The following STK3 variants were observed in gnomAD, a reference collection of about 807,000 sequenced individuals.
STK3 encodes serine/threonine-protein kinase 3.
Under a neutral mutation model 58.0 loss-of-function variants are expected in STK3, and 41 were observed. The observed-to-expected ratio is 0.71, with a 90% CI of 0.55 to 0.92. STK3 has a LOEUF of 0.92. Among genes scored for constraint, STK3 ranks in the 40% least tolerant of loss-of-function variants. The probability of loss-of-function intolerance (pLI) is 0.00; values close to 1 mark genes in which losing one functional copy is unlikely to be tolerated. For synonymous variants in STK3, 170 were observed against 191.0 expected, an observed-to-expected ratio of 0.89 and a Z score of 0.91; for missense variants, 479 against 602.7, an observed-to-expected ratio of 0.79 and a Z score of 2.15.
At chr8:98,612,266 G>A (rs964681484) in intron 6 of STK3, among the ~76,000 whole-genome samples, 2 of 150,318 alleles carry the variant, frequency 1.3e-5, no homozygotes, top group Non-Finnish European at 3.0e-5. Context: ...ACAAGCATAC[G>A]AAGATCCAGA....
intron 1 of STK3, among the ~76,000 whole-genome samples, chr8:98,900,907 C>A (rs1838632836): frequency 6.6e-6 from 1 of 152,168 alleles, no homozygotes; most frequent in African/African-American, 2.4e-5. Flanking sequence ...AGTGATCCGC[C>A]TGCCTCGGCT....
At chr8:98,941,537 A>G (rs572740261) in intron 1 of STK3, among the ~76,000 whole-genome samples, 10 of 152,382 alleles carry the variant, frequency 6.6e-5, no homozygotes, top group Admixed American at 6.5e-4. Flanking sequence ...TTTAAAGATT[A>G]AAAGTTTCGA....
At chr8:98,364,980 T>C in the STK3 span, among the ~76,000 whole-genome samples, 1 of 152,338 alleles carries the variant, frequency 6.6e-6, no homozygotes, top group African/African-American at 2.4e-5. Context: ...AATTTTACAC[T>C]GTTTTTCTCC....
intron 10 of STK3, among the ~76,000 whole-genome samples, chr8:98,472,576 A>C (rs1821005622): frequency 6.6e-6 from 1 of 152,198 alleles, no homozygotes; most frequent in Non-Finnish European, 1.5e-5. Context: ...TTCTGTAAAC[A>C]GGCATTATTC....
chr8:98,402,170 TCATCA>T (rs983114546), intron 3 of STK3, among the ~76,000 whole-genome samples: 1 of 152,198 alleles, frequency 6.6e-6, no homozygotes, highest in Admixed American at 6.5e-5. Context: ...GGTAGCATCC[TCATCA>T]CATCATTATC....
intron 1 of STK3, among the ~76,000 whole-genome samples, chr8:98,379,884 A>G (rs1245890981): frequency 2.0e-5 from 3 of 152,210 alleles, no homozygotes; most frequent in African/African-American, 7.2e-5. Context: ...TAGCAAAGAT[A>G]TGGAAACAAC....
At chr8:98,530,039 G>T (rs1365691211) in intron 9 of STK3, among the ~76,000 whole-genome samples, 2 of 152,182 alleles carry the variant, frequency 1.3e-5, no homozygotes, top group Non-Finnish European at 1.5e-5. Context: ...TGCAGGTTTG[G>T]TTCCAGACCA....
At chr8:98,914,488 ACACACT>A (rs1229058398) in intron 1 of STK3, among the ~76,000 whole-genome samples, 64 of 145,654 alleles carry the variant, frequency 4.4e-4, no homozygotes, top group African/African-American at 1.2e-3. Context: ...ACACACACAC[ACACACT>A]CTCTCTCTCT....
intron 7 of STK3, among the ~76,000 whole-genome samples, chr8:98,588,350 A>G (rs1297158566): frequency 1.3e-5 from 2 of 151,350 alleles, no homozygotes; most frequent in Admixed American, 6.6e-5. Context: ...TTTCTCCTTC[A>G]CTTATGAAGC....
chr8:98,458,274 G>A (rs1819656683), intron 10 of STK3, among the ~76,000 whole-genome samples: 1 of 152,048 alleles, frequency 6.6e-6, no homozygotes, highest in African/African-American at 2.4e-5. Context: ...TGGGCAGTAA[G>A]GTCTTTTTCA....
At chr8:98,924,805 C>T (rs893198904) in intron 1 of STK3, among the ~76,000 whole-genome samples, 3 of 152,194 alleles carry the variant, frequency 2.0e-5, no homozygotes, top group Non-Finnish European at 4.4e-5. Context: ...GCAGAAGGTG[C>T]AATGAGAGGC....
chr8:98,751,308 T>C (rs952499538), intron 3 of STK3, among the ~76,000 whole-genome samples: 1 of 152,088 alleles, frequency 6.6e-6, no homozygotes, highest in South Asian at 2.1e-4. Flanking sequence ...AGAGAGGAAG[T>C]CAAACTACCC....
intron 10 of STK3, among the ~76,000 whole-genome samples, chr8:98,489,579 T>C (rs970376794): frequency 4.6e-5 from 7 of 152,204 alleles, no homozygotes; most frequent in African/African-American, 1.7e-4. Context: ...CTATATTTTT[T>C]CTATTACCTT....
chr8:98,465,814 C>G (rs1160593999), intron 10 of STK3, among the ~76,000 whole-genome samples: 2 of 152,054 alleles, frequency 1.3e-5, no homozygotes, highest in Non-Finnish European at 2.9e-5. Context: ...TCTCGGCCAC[C>G]CATTTAAAAA....
intron 10 of STK3, among the ~76,000 whole-genome samples, chr8:98,456,372 G>T (rs1819490902): frequency 6.6e-6 from 1 of 152,210 alleles, no homozygotes; most frequent in Non-Finnish European, 1.5e-5. Context: ...TTACATCTTT[G>T]CCAGCTACTG....
At chr8:98,507,929 T>C (rs1458391180) in intron 10 of STK3, among the ~76,000 whole-genome samples, 2 of 152,188 alleles carry the variant, frequency 1.3e-5, no homozygotes, top group Non-Finnish European at 2.9e-5. Context: ...GCAAGCCCTT[T>C]ACCCCAACAC....
chr8:98,520,359 T>C lies in STK3; in HGVS notation c.1317+6383A>G, dbSNP rs79521360. 1.2e-4 allele frequency among the ~76,000 whole-genome samples: 18 copies of C among 152,130 alleles called. No individual in the cohort carries two copies. The East Asian group carries it at 3.5e-3, about 29-fold the overall frequency. ...CATTCAGGAACATAACATAAGAAAA[T>C]CCATAGAAAATCCCAAAGACAAATG... is the stretch of plus-strand genomic sequence containing the variant. On this transcript the variant is annotated intron_variant, in intron 10 of 10. Transcript: ENST00000419617.
intron 6 of STK3, among the ~76,000 whole-genome samples, chr8:98,622,997 A>G (rs566635224): frequency 1.3e-5 from 2 of 152,306 alleles, no homozygotes; most frequent in African/African-American, 4.8e-5. Flanking sequence ...AAGAAAACCC[A>G]TGTAGAAGAA....
intron 3 of STK3, among the ~76,000 whole-genome samples, chr8:98,859,871 G>A (rs114384410): frequency 2.4e-4 from 37 of 152,324 alleles, no homozygotes; most frequent in African/African-American, 8.7e-4. Flanking sequence ...GCACTCTGCT[G>A]GGTTTAGGAA....
Sources: gnomAD v4.1 joint callset for allele counts (sites outside exome capture counted in the v4.1 genomes callset) on GRCh38, gnomAD v4.1.1 for gene constraint, MANE v1.5 for transcripts, NCBI Gene and HGNC (gene_info 2026-07-23, HGNC 2026-07-21) for gene names.